ABCD4: variants seen among roughly 807,000 people sequenced by gnomAD.
ABCD4 encodes the protein lysosomal cobalamin transporter ABCD4.
In ABCD4, 53 loss-of-function variants were observed where a neutral mutation model predicts 86.3. The observed-to-expected ratio is 0.61, with a 90% CI of 0.49 to 0.77. ABCD4 has a LOEUF of 0.77. Among genes scored for constraint, ABCD4 ranks in the 30% least tolerant of loss-of-function variants. The probability of loss-of-function intolerance (pLI) is 0.00; values close to 1 mark genes in which losing one functional copy is unlikely to be tolerated. For synonymous variants in ABCD4, 328 were observed against 313.6 expected (o/e 1.05, Z -0.49); for missense variants, 757 against 764.5 (o/e 0.99, Z 0.12).
chr14:74,299,383 G>C lies in ABCD4; in HGVS notation c.285+165C>G, dbSNP rs140656228. 98 of 855,590 alleles carry C rather than the reference G, an allele frequency of 1.1e-4. 1 individual carries two copies. The African/African-American group carries it at 1.4e-3, about 13-fold the overall frequency. 53.0% of individuals were successfully genotyped at this position (855,590 alleles called of 1,614,324 possible). Reference sequence around the variant, plus strand: ...TCAGTCCCACGTGGGCCAATAGCAAGATCAACGTGCTTAATAAAGGCAACT... The same window carrying C: ...TCAGTCCCACGTGGGCCAATAGCAACATCAACGTGCTTAATAAAGGCAACT... On this transcript the variant is annotated intron_variant, in intron 3 of 18. Transcript: ENST00000356924.
Position 74,295,162 on chromosome 14 carries a change from A to T in ABCD4, c.705T>A (p.Pro235=). The change falls in exon 7 of 19, where the codon CCT becomes CCA. Residue 235 remains proline, a synonymous_variant. Transcript: ENST00000356924. Reference sequence around the variant, plus strand: ...TCCAGACTCACCTGTAGAAAGCAGCAGGCTCCGCATTCACCCGAATCTGCA... The same window carrying T: ...TCCAGACTCACCTGTAGAAAGCAGCTGGCTCCGCATTCACCCGAATCTGCA... ...KHMQIRVNAE[P]AAFYRAGHVE... is the part of the protein sequence containing the mutation. The T allele has an allele frequency of 6.2e-7, 1 of 1,614,224 alleles. No individual in the cohort carries two copies. Among genetic ancestry groups the T allele is most frequent in the Non-Finnish European group, 8.5e-7 (1 of 1,180,048 alleles).
intron 16 of ABCD4, 143 bp from the exon 17 acceptor site, chr14:74,288,029 CT>C: frequency 9.6e-7 from 1 of 1,041,426 alleles, no homozygotes; most frequent in Non-Finnish European, 1.4e-6. Flanking sequence ...GACCATAGGC[CT>C]ACAGCCCTCA....
At chr14:74,287,683 C>A in intron 17 of ABCD4, 127 bp downstream of exon 17, 1 of 866,280 alleles carries the variant, frequency 1.2e-6, no homozygotes, top group Non-Finnish European at 1.8e-6. Context: ...GCCTGCTGTC[C>A]TCTCCAGCAG....
chr14:74,290,238 C>T, intron 12 of ABCD4, 53 bp downstream of exon 12: 2 of 1,612,102 alleles, frequency 1.2e-6, no homozygotes, highest in Non-Finnish European at 1.7e-6. Context: ...CCCGCCTTCA[C>T]CCCACCCCTA....
At chr14:74,292,218 A>C in intron 11 of ABCD4, 69 bp downstream of exon 11, 1 of 1,493,342 alleles carries the variant, frequency 6.7e-7, no homozygotes. Flanking sequence ...GCAGGACTCC[A>C]GGGTAACCCA....
At chr14:74,302,778 C>A in intron 1 of ABCD4, 97 bp downstream of exon 1, 1 of 1,297,532 alleles carries the variant, frequency 7.7e-7, no homozygotes, top group Non-Finnish European at 1.0e-6. Flanking sequence ...GAGACGGGGG[C>A]GCCAGGGCGG....
At chr14:74,299,345 A>C in intron 3 of ABCD4, 2 of 574,404 alleles carry the variant, frequency 3.5e-6, no homozygotes, top group South Asian at 2.1e-5. Flanking sequence ...CAGGAGTGGA[A>C]ACATCTGAGG....
rs11846127 is a variant in ABCD4, at chr14:74,290,671, C to G, written c.1119-172G>C. Among the ~76,000 whole-genome samples the G allele has an allele frequency of 0.064, 9,074 of 141,130 alleles. 992 individuals carry two copies. Among genetic ancestry groups the G allele is most frequent in the African/African-American group, 0.23 (8,589 of 37,996 alleles). The allele number at this position is 141,130 out of a possible 152,430, so 92.6% of individuals were successfully genotyped here. ...TAGTGACTCAGAATGTAACTGCATT[C>G]GGAGGCAGGGTCTTTTTTTTTTTTT... On this transcript the variant is annotated intron_variant, in intron 11 of 18. Transcript: ENST00000356924.
At chr14:74,287,438 C>G (rs146414050) in intron 17 of ABCD4, among the ~76,000 whole-genome samples, 17 of 151,638 alleles carry the variant, frequency 1.1e-4, no homozygotes, top group African/African-American at 4.1e-4. Flanking sequence ...CTTGTAGTCC[C>G]AGCTACTCAG....
chr14:74,287,526 C>A (rs1471397872), intron 17 of ABCD4, among the ~76,000 whole-genome samples: 2 of 136,118 alleles, frequency 1.5e-5, no homozygotes, highest in African/African-American at 2.7e-5. Context: ...TGTACCCCAG[C>A]CTGGGTGACA....
At position 74,295,103 on chromosome 14, in the gene ABCD4, C is replaced by A. The variant is rs761335124; in HGVS notation, c.719+45G>T. The A allele has an allele frequency of 2.5e-6, 4 of 1,608,902 alleles. No homozygotes were observed. The Admixed American group carries it at 6.7e-5, about 27-fold the overall frequency. On this transcript the variant is annotated intron_variant, in intron 7 of 18. Coordinates refer to ENST00000356924, the MANE Select transcript of ABCD4 (RefSeq NM_005050.4). ...GAGGATTCATCTTTCCTTCTCCACT[C>A]TCAGCTCTGGCAAGGCAGAAGGGGA...
At chr14:74,294,604 AG>A (rs1274887622) in intron 7 of ABCD4, 1 of 156,994 alleles carries the variant, frequency 6.4e-6, no homozygotes, top group African/African-American at 2.4e-5. Context: ...CACATAAGGC[AG>A]AGCACAGGGA....
rs1298838389 is a variant in ABCD4 at position 74,295,952 on chromosome 14, G to A, written c.570C>T (p.Ile190=). 6.2e-7 allele frequency: 1 copy of A among 1,612,076 alleles called. No homozygotes were observed. The highest frequency in any genetic ancestry group is 2.2e-5 in the East Asian group (1 of 44,848). The change falls in exon 6 of 19, where the codon ATC becomes ATT. Residue 190 remains isoleucine, a synonymous_variant. Transcript: ENST00000356924. The part of the protein sequence containing the change: ...QSTGWLGPVS[I]FGYFILGTVV... The stretch of plus-strand genomic sequence containing the variant: ...CGGTCCCCAGGATGAAATACCCGAA[G>A]ATGCTCACAGGCCCGAGCCAGCCTG...
rs561111943 is a variant in ABCD4, at chr14:74,299,979, C to T, written c.157+171G>A. 6.2e-4 allele frequency: 365 copies of T among 586,378 alleles called. 4 individuals carry two copies. The South Asian group carries it at 7.6e-3, about 12-fold the overall frequency. The allele number at this position is 586,378 out of a possible 1,614,324, so 36.3% of individuals were successfully genotyped here. On this transcript the variant is annotated intron_variant, in intron 2 of 18. Coordinates refer to ENST00000356924, the MANE Select transcript of ABCD4 (RefSeq NM_005050.4). ...TCAGGAGGCGAAGGCAGGAGAATCA[C>T]TTGAACCAGGGAGGCAGAGGTTGCA...
At chr14:74,298,902 G>C (rs2083565363) in intron 3 of ABCD4, among the ~76,000 whole-genome samples, 1 of 152,220 alleles carries the variant, frequency 6.6e-6, no homozygotes, top group Admixed American at 6.5e-5. Flanking sequence ...CTAAGCACTA[G>C]GGACATTATG....
chr14:74,285,746 G>C lies in ABCD4; in HGVS notation c.*715C>G, dbSNP rs879170037. 1 of 152,140 alleles carries C rather than the reference G, an allele frequency of 6.6e-6. No individual in the cohort carries two copies. Among genetic ancestry groups the C allele is most frequent in the Non-Finnish European group, 1.5e-5 (1 of 68,032 alleles). The allele number at this position is 152,140 out of a possible 1,614,324, so 9.4% of individuals were successfully genotyped here. On this transcript the variant is annotated 3_prime_UTR_variant, in exon 19 of 19. Coordinates refer to ENST00000356924, the MANE Select transcript of ABCD4 (RefSeq NM_005050.4). ...GAAAACCCAACCTTATTTTGGCTAA[G>C]GGGAAAGGGATTTACTTTCATTTGG...
At chr14:74,290,690 T>TTC in intron 11 of ABCD4, among the ~76,000 whole-genome samples, 191 bp from the exon 12 acceptor site, 1 of 147,638 alleles carries the variant, frequency 6.8e-6, no homozygotes, top group East Asian at 2.0e-4. Context: ...GGTCTTTTTT[T>TTC]TTTTTTTTTT....
intron 11 of ABCD4, among the ~76,000 whole-genome samples, chr14:74,291,757 A>G (rs764798158): frequency 4.6e-5 from 7 of 152,206 alleles, no homozygotes; most frequent in East Asian, 1.9e-4. Flanking sequence ...AGCACTTTCC[A>G]TGGATGATGA....
Position 74,300,161 on chromosome 14 carries a change from A to T in ABCD4, c.146T>A (p.Leu49Gln). 6.2e-7 allele frequency: 1 copy of T among 1,610,658 alleles called. No homozygotes were observed. The change falls in exon 2 of 19, where the codon CTG (leucine) becomes CAG (glutamine). Residue 49 changes from leucine to glutamine, a missense_variant. Leu to Gln is a moderately radical substitution (Grantham distance 113). Coordinates refer to ENST00000356924, the MANE Select transcript of ABCD4 (RefSeq NM_005050.4). ...GCTCACTCACTCACCCAGTAGGGTC[A>T]GGCACAAAAGGGTCAGGAACATCAA... Reference protein sequence around the residue: ...NALMFLTLLCLTLLEQFVIYQ... With the variant: ...NALMFLTLLCQTLLEQFVIYQ...
Sources: gnomAD v4.1 joint callset for allele counts (sites outside exome capture counted in the v4.1 genomes callset) on GRCh38, gnomAD v4.1.1 for gene constraint, MANE v1.5 for transcripts, NCBI Gene and HGNC (gene_info 2026-07-23, HGNC 2026-07-21) for gene names.